The following TMEM39B variants were observed in gnomAD, a reference collection of about 807,000 sequenced individuals.
The protein encoded by TMEM39B is transmembrane protein 39B.
Under a neutral mutation model 52.2 loss-of-function variants are expected in TMEM39B, and 23 were observed. The observed-to-expected ratio is 0.44, with a 90% CI of 0.32 to 0.62. The LOEUF is 0.62. Ranked by LOEUF, TMEM39B falls within the 20% of genes least tolerant of loss-of-function variation. TMEM39B has a pLI of 0.06. For synonymous variants in TMEM39B, 285 were observed against 264.0 expected (o/e 1.08, Z -0.77); for missense variants, 547 against 642.0 (o/e 0.85, Z 1.60).
At chr1:32,072,936 G>A, upstream of TMEM39B, 1 of 1,389,636 alleles carries the variant, frequency 7.2e-7, no homozygotes, top group Non-Finnish European at 9.6e-7. Flanking sequence ...GGAGCGCGCG[G>A]CTGATACCCG....
At chr1:32,083,965 A>G (rs773367325) in intron 5 of TMEM39B, among the ~76,000 whole-genome samples, 3 of 150,880 alleles carry the variant, frequency 2.0e-5, no homozygotes, top group Non-Finnish European at 4.4e-5. Context: ...AGCGTGGGCA[A>G]TAGAGCAAGA....
intron 1 of TMEM39B, chr1:32,073,413 A>AG: frequency 2.7e-6 from 1 of 366,976 alleles, no homozygotes; most frequent in Non-Finnish European, 3.7e-6. Flanking sequence ...TCTGGGTTGG[A>AG]GGGGTTACAC....
intron 7 of TMEM39B, among the ~76,000 whole-genome samples, chr1:32,099,892 CA>C (rs1206096516): frequency 1.3e-5 from 2 of 152,076 alleles, no homozygotes. Flanking sequence ...ACTAAAAATA[CA>C]AAAATTAGCT....
At position 32,074,986 on chromosome 1, in the gene TMEM39B, C is replaced by T. The variant is rs1202211021; in HGVS notation, c.40C>T (p.Arg14Ter). The T allele has an allele frequency of 6.4e-7, 1 of 1,551,546 alleles. No individual in the cohort carries two copies. Among genetic ancestry groups the T allele is most frequent in the Non-Finnish European group, 8.7e-7 (1 of 1,146,948 alleles). Residue 14 changes from arginine to a stop codon, truncating the protein, a stop_gained, in exon 2 of 9, where the codon CGA becomes TGA. Coordinates refer to ENST00000336294, the MANE Select transcript of TMEM39B (RefSeq NM_018056.4). LOFTEE classifies it high-confidence loss of function. ...RRGPNRTSYC[R>*]NPLCEPGSSG... is the part of the protein sequence containing the mutation. Reference sequence around the variant, plus strand: ...AGGTCCCAACAGGACATCTTACTGTCGAAATCCGCTCTGTGAGCCGGGATC... The same window carrying T: ...AGGTCCCAACAGGACATCTTACTGTTGAAATCCGCTCTGTGAGCCGGGATC...
intron 5 of TMEM39B, among the ~76,000 whole-genome samples, chr1:32,078,503 A>C (rs1375460751): frequency 6.6e-6 from 1 of 152,102 alleles, no homozygotes; most frequent in Non-Finnish European, 1.5e-5. Context: ...AAAACATTAT[A>C]ATGTCTTATA....
At chr1:32,094,733 A>T in intron 6 of TMEM39B, 51 bp from the exon 7 acceptor site, 1 of 1,589,734 alleles carries the variant, frequency 6.3e-7, no homozygotes, top group Non-Finnish European at 8.6e-7. Flanking sequence ...AGGAAAGGGA[A>T]TGAGGCCATT....
upstream of TMEM39B, chr1:32,072,452 G>A (rs1258883725): frequency 1.3e-5 from 2 of 152,498 alleles, no homozygotes; most frequent in Admixed American, 6.5e-5. Context: ...CAATGAGAAC[G>A]GTGAGTAACG....
chr1:32,088,862 C>A (rs1640488848), intron 5 of TMEM39B, among the ~76,000 whole-genome samples: 1 of 152,072 alleles, frequency 6.6e-6, no homozygotes, highest in Non-Finnish European at 1.5e-5. Context: ...TCGGGAATGC[C>A]ATTTTAGTCT....
chr1:32,089,846 A>G (rs1640530743), intron 5 of TMEM39B, among the ~76,000 whole-genome samples: 1 of 151,866 alleles, frequency 6.6e-6, no homozygotes, highest in Admixed American at 6.6e-5. Flanking sequence ...CGTGGCCAAC[A>G]TCATGAAACC....
Position 32,075,490 on chromosome 1 carries a change from C to G in TMEM39B, c.132-113C>G, listed in dbSNP as rs116528081. 152 of 1,109,364 alleles carry G rather than the reference C, an allele frequency of 1.4e-4. No individual in the cohort carries two copies. The African/African-American group carries it at 2.2e-3, about 16-fold the overall frequency. The allele number at this position is 1,109,364 out of a possible 1,614,324, so 68.7% of individuals were successfully genotyped here. On this transcript the variant is annotated intron_variant, in intron 2 of 8. Transcript: ENST00000336294. ...CTGACAAGCAGGATTAGGAAGACCC[C>G]GTCCTTGCTATGAGCTGCTTTTCTG...
At chr1:32,075,880 G>A in intron 3 of TMEM39B, 58 bp downstream of exon 3, 3 of 1,176,486 alleles carry the variant, frequency 2.5e-6, no homozygotes, top group Non-Finnish European at 3.6e-6. Context: ...GTGTGTATGT[G>A]TGTGTGTGTT....
intron 7 of TMEM39B, among the ~76,000 whole-genome samples, chr1:32,098,264 A>G (rs780976819): frequency 1.3e-5 from 2 of 151,688 alleles, no homozygotes; most frequent in South Asian, 2.1e-4. Context: ...GGCCTCCCCA[A>G]AGTGCTGGAA....
intron 5 of TMEM39B, among the ~76,000 whole-genome samples, chr1:32,082,856 G>A (rs191365588): frequency 2.2e-4 from 34 of 151,316 alleles, no homozygotes; most frequent in Non-Finnish European, 4.0e-4. Context: ...CTCACTGCAA[G>A]CTCTGCCTCC....
At chr1:32,075,196 A>G (rs1639803505) in intron 2 of TMEM39B, 119 bp downstream of exon 2, 3 of 1,365,996 alleles carry the variant, frequency 2.2e-6, no homozygotes, top group African/African-American at 2.9e-5. Flanking sequence ...CTTAGAGGGG[A>G]GTAAGCAGCA....
At chr1:32,083,625 T>G (rs1640211915) in intron 5 of TMEM39B, among the ~76,000 whole-genome samples, 1 of 151,144 alleles carries the variant, frequency 6.6e-6, no homozygotes, top group Non-Finnish European at 1.5e-5. Flanking sequence ...GGTTTCACCG[T>G]GTTAGTCAGG....
chr1:32,085,769 C>A (rs1444414177), intron 5 of TMEM39B, among the ~76,000 whole-genome samples: 2 of 148,178 alleles, frequency 1.3e-5, no homozygotes, highest in African/African-American at 5.1e-5. Context: ...AAAAAAAATT[C>A]CCTTATTTTC....
At chr1:32,093,868 G>C (rs944319034) in intron 6 of TMEM39B, among the ~76,000 whole-genome samples, 2 of 151,940 alleles carry the variant, frequency 1.3e-5, no homozygotes, top group African/African-American at 4.8e-5. Flanking sequence ...GCCCAGGCTG[G>C]AGTACAGTGG....
At chr1:32,082,573 A>C (rs756444478) in intron 5 of TMEM39B, among the ~76,000 whole-genome samples, 1 of 147,876 alleles carries the variant, frequency 6.8e-6, no homozygotes, top group Non-Finnish European at 1.5e-5. Context: ...TCCTGCCTCA[A>C]CCTCCCGAGT....
intron 3 of TMEM39B, 83 bp downstream of exon 3, chr1:32,075,905 T>C: frequency 1.0e-6 from 1 of 976,184 alleles, no homozygotes; most frequent in Non-Finnish European, 1.5e-6. Context: ...TTGGTTTCAG[T>C]TTAGCATATC....
Sources: gnomAD v4.1 joint callset for allele counts (sites outside exome capture counted in the v4.1 genomes callset) on GRCh38, gnomAD v4.1.1 for gene constraint, MANE v1.5 for transcripts, NCBI Gene and HGNC (gene_info 2026-07-23, HGNC 2026-07-21) for gene names.